Variants in PTPRR observed in about 807,000 individuals in gnomAD.
The protein encoded by PTPRR is receptor-type tyrosine-protein phosphatase R.
PTPRR carries 38 observed loss-of-function variants against 77.2 expected under a neutral mutation model. That is an observed-to-expected ratio of 0.49 (90% CI 0.38 to 0.65). The LOEUF (loss-of-function observed/expected upper bound fraction) is 0.65, where lower values mean the gene tolerates loss of function less well. Ranked by LOEUF, PTPRR falls within the 30% of genes least tolerant of loss-of-function variation. The pLI is 0.00. For synonymous variants in PTPRR, 299 were observed against 283.1 expected (o/e 1.06, Z -0.57); for missense variants, 744 against 799.2 (o/e 0.93, Z 0.83).
At chr12:70,744,363 G>A (rs952999505) in intron 6 of PTPRR, among the ~76,000 whole-genome samples, 5 of 152,162 alleles carry the variant, frequency 3.3e-5, no homozygotes, top group Admixed American at 6.5e-5. Context: ...ATCTACGTAA[G>A]TGAATGTCAC....
chr12:70,780,517 C>T (rs546968126), intron 2 of PTPRR, among the ~76,000 whole-genome samples: 101 of 152,020 alleles, frequency 6.6e-4, no homozygotes, highest in African/African-American at 2.1e-3. Context: ...TATCCCATCA[C>T]GCTGGGATAA....
chr12:70,785,019 A>AAT (rs1891292655), intron 2 of PTPRR, among the ~76,000 whole-genome samples: 1 of 152,074 alleles, frequency 6.6e-6, no homozygotes. Flanking sequence ...TTCTGGAGAG[A>AAT]ATATATATAT....
At chr12:70,776,788 C>T (rs1891098031) in intron 2 of PTPRR, among the ~76,000 whole-genome samples, 1 of 152,028 alleles carries the variant, frequency 6.6e-6, no homozygotes, top group Admixed American at 6.6e-5. Context: ...GCCAGCCTTC[C>T]CTGACTTCTC....
chr12:70,715,377 CA>C (rs1482688043), intron 6 of PTPRR, among the ~76,000 whole-genome samples: 1 of 152,140 alleles, frequency 6.6e-6, no homozygotes, highest in African/African-American at 2.4e-5. Flanking sequence ...AGGACCGGGG[CA>C]AAGTTAAAAT....
At chr12:70,724,812 T>TAC (rs951839292) in intron 6 of PTPRR, among the ~76,000 whole-genome samples, 37 of 151,760 alleles carry the variant, frequency 2.4e-4, no homozygotes, top group South Asian at 1.0e-3. Context: ...TATATATATA[T>TAC]ACACACACAC....
chr12:70,782,532 CTTTG>C (rs1310995569), intron 2 of PTPRR, among the ~76,000 whole-genome samples: 1 of 152,032 alleles, frequency 6.6e-6, no homozygotes, highest in African/African-American at 2.4e-5. Flanking sequence ...AGTTCATGTC[CTTTG>C]TAGGGACATG....
chr12:70,913,421 CT>C (rs1421644629), intron 1 of PTPRR, among the ~76,000 whole-genome samples: 4 of 152,076 alleles, frequency 2.6e-5, no homozygotes, highest in African/African-American at 9.7e-5. Flanking sequence ...GTGTAAATGT[CT>C]TGTATTTGCT....
At chr12:70,810,700 G>A (rs1891793526) in intron 2 of PTPRR, among the ~76,000 whole-genome samples, 1 of 152,152 alleles carries the variant, frequency 6.6e-6, no homozygotes, top group Non-Finnish European at 1.5e-5. Flanking sequence ...ACTAGAATGA[G>A]AATGCTCTAG....
chr12:70,791,971 T>C (rs1334224122), intron 2 of PTPRR, among the ~76,000 whole-genome samples: 2 of 152,168 alleles, frequency 1.3e-5, no homozygotes, highest in Non-Finnish European at 2.9e-5. Flanking sequence ...AAAAACACAG[T>C]GATTTCAGAG....
intron 8 of PTPRR, among the ~76,000 whole-genome samples, chr12:70,687,364 T>C (rs936048863): frequency 1.1e-4 from 16 of 151,172 alleles, no homozygotes; most frequent in African/African-American, 3.9e-4. Flanking sequence ...GGAGCTTCTA[T>C]CCAAGGATGG....
intron 7 of PTPRR, among the ~76,000 whole-genome samples, chr12:70,699,105 C>A (rs942123896): frequency 6.6e-6 from 1 of 151,976 alleles, no homozygotes; most frequent in African/African-American, 2.4e-5. Flanking sequence ...AAGCAACAAG[C>A]CAAAGTTTTC....
intron 3 of PTPRR, among the ~76,000 whole-genome samples, chr12:70,761,914 T>C (rs538013823): frequency 6.6e-6 from 1 of 152,328 alleles, no homozygotes; most frequent in Non-Finnish European, 1.5e-5. Flanking sequence ...ATATTGTAAT[T>C]TTTTGATGTA....
At chr12:70,913,740 T>C (rs1446135265) in intron 1 of PTPRR, among the ~76,000 whole-genome samples, 1 of 152,162 alleles carries the variant, frequency 6.6e-6, no homozygotes, top group Non-Finnish European at 1.5e-5. Flanking sequence ...AAGTGTAAAT[T>C]GCACTAAGGT....
At chr12:70,855,251 C>T (rs1006346671) in intron 2 of PTPRR, among the ~76,000 whole-genome samples, 2 of 152,126 alleles carry the variant, frequency 1.3e-5, no homozygotes, top group African/African-American at 4.8e-5. Flanking sequence ...TGTTTTACAT[C>T]CAAGAAGACG....
chr12:70,697,637 A>T (rs1187301819), intron 8 of PTPRR, among the ~76,000 whole-genome samples: 1 of 151,870 alleles, frequency 6.6e-6, no homozygotes, highest in Non-Finnish European at 1.5e-5. Context: ...GACTAATTCA[A>T]GGTCATAAAG....
chr12:70,812,496 GT>G (rs1891826825), intron 2 of PTPRR, among the ~76,000 whole-genome samples: 2 of 152,196 alleles, frequency 1.3e-5, no homozygotes, highest in Admixed American at 1.3e-4. Flanking sequence ...CAAGGAATAG[GT>G]TTATTTTCTG....
At chr12:70,795,484 C>G (rs967394832) in intron 2 of PTPRR, among the ~76,000 whole-genome samples, 7 of 152,184 alleles carry the variant, frequency 4.6e-5, no homozygotes, top group African/African-American at 1.7e-4. Context: ...AATAAATTCA[C>G]TGTTTGTTAT....
chr12:70,890,915 T>G (rs1893324564), intron 2 of PTPRR, among the ~76,000 whole-genome samples: 1 of 152,128 alleles, frequency 6.6e-6, no homozygotes, highest in Non-Finnish European at 1.5e-5. Flanking sequence ...ATCACCCCTT[T>G]GCTTTTTGAG....
chr12:70,910,628 T>C (rs562335955), intron 1 of PTPRR, among the ~76,000 whole-genome samples: 1 of 152,312 alleles, frequency 6.6e-6, no homozygotes, highest in South Asian at 2.1e-4. Context: ...AATAACATGA[T>C]AAAATTTATA....
Sources: allele counts gnomAD v4.1 joint callset (sites outside exome capture counted in the v4.1 genomes callset), GRCh38; gene constraint gnomAD v4.1.1; transcripts MANE v1.5; gene names NCBI Gene and HGNC (gene_info 2026-07-23, HGNC 2026-07-21).